Variants in TMEM233 observed in about 807,000 individuals in gnomAD.
TMEM233 encodes the protein dispanin subfamily B member 2.
In TMEM233, 6 loss-of-function variants were observed where a neutral mutation model predicts 11.2. The observed-to-expected ratio is 0.54, with a 90% CI of 0.29 to 1.06. The LOEUF is 1.06. TMEM233 is among the 50% of genes least tolerant of loss of function. The pLI, the probability that TMEM233 is intolerant of heterozygous loss-of-function variation, is 0.08. For missense variants in TMEM233, 127 were observed against 144.7 expected (o/e 0.88, Z 0.63); for synonymous variants, 59 against 55.8 (o/e 1.06, Z -0.26).
chr12:119,639,238 G>A (rs1955031633), intron 2 of TMEM233, among the ~76,000 whole-genome samples: 1 of 151,980 alleles, frequency 6.6e-6, no homozygotes, highest in African/African-American at 2.4e-5. Context: ...ATATATCTAT[G>A]TCTGTTTCCC....
intron 2 of TMEM233, chr12:119,634,182 C>CTACCCACAGGGAGCCTCCTT (rs1468003499): frequency 1.8e-5 from 17 of 929,612 alleles, no homozygotes; most frequent in Non-Finnish European, 2.1e-5. Context: ...CCTAGCAGGT[C>CTACCCACAGGGAGCCTCCTT]TACCCACAGG....
At chr12:119,650,169 A>AAAAAAAG in the TMEM233 span, among the ~76,000 whole-genome samples, 2 of 151,774 alleles carry the variant, frequency 1.3e-5, no homozygotes, top group South Asian at 4.2e-4. Flanking sequence ...AAAAAAAAAA[A>AAAAAAAG]AAAAGTGGGT....
intron 1 of TMEM233, among the ~76,000 whole-genome samples, chr12:119,605,876 G>A (rs1345439915): frequency 6.6e-6 from 1 of 152,040 alleles, no homozygotes; most frequent in African/African-American, 2.4e-5. Context: ...TCTAACCATA[G>A]ACAGCCAAAA....
At chr12:119,604,504 T>C (rs1270106212) in intron 1 of TMEM233, among the ~76,000 whole-genome samples, 3 of 152,258 alleles carry the variant, frequency 2.0e-5, no homozygotes, top group Non-Finnish European at 4.4e-5. Context: ...CTCACTTTAA[T>C]GAGTACAGCT....
Position 119,593,821 on chromosome 12 carries a change from C to T in TMEM233, c.-28C>T. The T allele has an allele frequency of 1.3e-6, 2 of 1,548,112 alleles. No homozygotes were observed. The highest frequency in any genetic ancestry group is 1.7e-6 in the Non-Finnish European group (2 of 1,144,790). ...AGACCACACAGACCGTGCGCTCCTC[C>T]GCCCTCCCGGCGCCGCCGGCCTCGC... On this transcript the variant is annotated 5_prime_UTR_variant, in exon 1 of 3. Coordinates refer to ENST00000426426, the MANE Select transcript of TMEM233 (RefSeq NM_001136534.3). This position sits in a 1 kb window ranked among gnomAD's most constrained non-coding sequence, Gnocchi z 4.1.
At chr12:119,597,011 G>C (rs1356488413) in intron 1 of TMEM233, among the ~76,000 whole-genome samples, 1 of 152,172 alleles carries the variant, frequency 6.6e-6, no homozygotes, top group Non-Finnish European at 1.5e-5. Flanking sequence ...ATTCTAAACA[G>C]TGTGTCCTAC....
At chr12:119,615,826 C>T (rs1566104180) in intron 1 of TMEM233, among the ~76,000 whole-genome samples, 1 of 152,158 alleles carries the variant, frequency 6.6e-6, no homozygotes, top group Non-Finnish European at 1.5e-5. Flanking sequence ...TACCGGTATT[C>T]AGTGCCAGTT....
chr12:119,619,776 G>T (rs1401299427), intron 1 of TMEM233, among the ~76,000 whole-genome samples: 1 of 152,030 alleles, frequency 6.6e-6, no homozygotes, highest in Non-Finnish European at 1.5e-5. Flanking sequence ...GGACATGTTG[G>T]ATTGAATATA....
intron 1 of TMEM233, among the ~76,000 whole-genome samples, chr12:119,628,323 C>A (rs1954804378): frequency 6.6e-6 from 1 of 151,774 alleles, no homozygotes; most frequent in Non-Finnish European, 1.5e-5. Context: ...TCACACCCGG[C>A]TAATTTTTTG....
chr12:119,619,962 G>A (rs562811952), intron 1 of TMEM233, among the ~76,000 whole-genome samples: 2 of 152,260 alleles, frequency 1.3e-5, no homozygotes, highest in East Asian at 3.9e-4. Flanking sequence ...ACTAGACAAA[G>A]GGTATGGGTA....
intron 1 of TMEM233, among the ~76,000 whole-genome samples, chr12:119,626,547 AAGAGAAG>A (rs1954768777): frequency 1.5e-5 from 1 of 66,728 alleles, no homozygotes; most frequent in African/African-American, 4.7e-5. Context: ...GGGAGAAGAG[AAGAGAAG>A]AGAAGAGAAG....
intron 1 of TMEM233, among the ~76,000 whole-genome samples, chr12:119,601,509 T>C (rs199518481): frequency 2.0e-5 from 3 of 151,560 alleles, no homozygotes; most frequent in Non-Finnish European, 4.4e-5. Context: ...GCAAAAAAAA[T>C]TAGCCAGGCG....
intron 2 of TMEM233, 22 bp from the exon 3 acceptor site, chr12:119,640,677 T>C (rs1312607853): frequency 5.8e-6 from 9 of 1,549,966 alleles, no homozygotes; most frequent in East Asian, 2.4e-5. Context: ...TTTCTCTCTC[T>C]CTCTCTGTCT....
intron 1 of TMEM233, among the ~76,000 whole-genome samples, chr12:119,624,029 A>G (rs1295488845): frequency 7.9e-5 from 12 of 152,114 alleles, no homozygotes; most frequent in African/African-American, 2.9e-4. Context: ...CATAGACCAG[A>G]AGTTTTCAAT....
At chr12:119,637,182 AC>A (rs1223391174) in intron 2 of TMEM233, among the ~76,000 whole-genome samples, 1 of 152,246 alleles carries the variant, frequency 6.6e-6, no homozygotes, top group Non-Finnish European at 1.5e-5. Context: ...TTGATCTGCC[AC>A]ATGTTAAATG....
chr12:119,634,331 G>A (rs1954935768), intron 2 of TMEM233: 1 of 953,172 alleles, frequency 1.0e-6, no homozygotes, highest in Non-Finnish European at 1.2e-6. Flanking sequence ...CTGTCTCGGG[G>A]CTGGGTGTGG....
chr12:119,610,117 G>A (rs545785846), intron 1 of TMEM233, among the ~76,000 whole-genome samples: 1 of 152,368 alleles, frequency 6.6e-6, no homozygotes, highest in African/African-American at 2.4e-5. Context: ...TTACCTGGAT[G>A]TGAGACATAG....
At chr12:119,631,705 G>T (rs746764735) in intron 2 of TMEM233, 1 of 977,346 alleles carries the variant, frequency 1.0e-6, no homozygotes, top group South Asian at 4.7e-5. Context: ...GCACCAGACT[G>T]CCTGGACCCA....
At chr12:119,634,475 T>C (rs1467400429) in intron 2 of TMEM233, among the ~76,000 whole-genome samples, 4 of 151,994 alleles carry the variant, frequency 2.6e-5, no homozygotes, top group African/African-American at 9.7e-5. Flanking sequence ...TAGCTGGGTT[T>C]GGTGGCGCAT....
Sources: allele counts gnomAD v4.1 joint callset (sites outside exome capture counted in the v4.1 genomes callset), GRCh38; gene constraint gnomAD v4.1.1; non-coding constraint Gnocchi (gnomAD v3.1); transcripts MANE v1.5; gene names NCBI Gene and HGNC (gene_info 2026-07-23, HGNC 2026-07-21).